Variants in EPB41 observed in about 807,000 individuals in gnomAD.
The protein encoded by EPB41 is erythrocyte membrane protein band 4.1, also known as protein 4.1.
In EPB41, 65 loss-of-function variants were observed where a neutral mutation model predicts 108.0. The ratio of observed to expected loss-of-function variants is 0.60; its 90% CI spans 0.49 to 0.74. The LOEUF (loss-of-function observed/expected upper bound fraction) is 0.74. Ranked by LOEUF, EPB41 falls within the 30% of genes least tolerant of loss-of-function variation. The pLI, the probability that EPB41 is intolerant of heterozygous loss-of-function variation, is 0.00. For synonymous variants in EPB41, 336 were observed against 358.9 expected (o/e 0.94, Z 0.72); for missense variants, 875 against 1,037.0 (o/e 0.84, Z 2.15).
intron 1 of EPB41, among the ~76,000 whole-genome samples, chr1:28,894,604 C>T (rs1406662377): frequency 6.6e-6 from 1 of 152,050 alleles, no homozygotes; most frequent in Non-Finnish European, 1.5e-5. Flanking sequence ...AAGAGAGAGG[C>T]AGCTGGGAAG....
At chr1:28,955,591 C>T (rs2094917984) in intron 1 of EPB41, among the ~76,000 whole-genome samples, 1 of 152,162 alleles carries the variant, frequency 6.6e-6, no homozygotes, top group Non-Finnish European at 1.5e-5. Flanking sequence ...GATCCGCTCA[C>T]CTTGGCCTCC....
chr1:28,897,615 GA>G (rs1263786211), intron 1 of EPB41, among the ~76,000 whole-genome samples: 1 of 19,228 alleles, frequency 5.2e-5, no homozygotes, highest in Non-Finnish European at 9.1e-5. Flanking sequence ...GAGGGGAGGG[GA>G]GAGGAGGGGA....
chr1:29,079,421 T>C lies in EPB41; in HGVS notation c.2184+14263T>C, dbSNP rs570461984. ...TCCCTCTTTCTAATTATTACCTTTTTTTTTTTTTCTTTTTTTGAGGTGGAG... is the reference window on the plus strand; with the variant it reads ...TCCCTCTTTCTAATTATTACCTTTTCTTTTTTTTCTTTTTTTGAGGTGGAG... On this transcript the variant is annotated intron_variant, in intron 16 of 20. Transcript: ENST00000343067. Among the ~76,000 whole-genome samples the C allele has an allele frequency of 3.9e-3, 596 of 151,936 alleles. 2 individuals carry two copies. The highest frequency in any genetic ancestry group is 0.014 in the African/African-American group (576 of 41,470).
At chr1:28,891,037 A>G (rs1289321031) in intron 1 of EPB41, 12 of 969,070 alleles carry the variant, frequency 1.2e-5, no homozygotes, top group Non-Finnish European at 1.5e-5. Flanking sequence ...GGGCAGAGGG[A>G]GCAACCTCCA....
rs780271863 is a variant in EPB41, at chr1:29,115,740, A to G, written c.2538A>G (p.Pro846=). ...QAIKEAKEQH[P]DMSVTKVVVH... is the part of the protein sequence containing the mutation. Reference sequence around the variant, plus strand: ...TCAAGGAGGCAAAGGAGCAGCACCCAGACATGTCAGTGACCAAGGTGGTCG... The same window carrying G: ...TCAAGGAGGCAAAGGAGCAGCACCCGGACATGTCAGTGACCAAGGTGGTCG... The change falls in exon 20 of 21, where the codon CCA becomes CCG. Residue 846 remains proline (P), a synonymous_variant. Coordinates refer to ENST00000343067, the MANE Select transcript of EPB41 (RefSeq NM_001376013.1). The surrounding 1 kb of genome is among the most constrained non-coding windows in gnomAD (Gnocchi z 4.4). The G allele has an allele frequency of 6.2e-7, 1 of 1,614,068 alleles. No homozygotes were observed. The highest frequency in any genetic ancestry group is 1.1e-5 in the South Asian group (1 of 91,084).
chr1:29,053,456 C>T (rs530452881), intron 12 of EPB41, 144 bp downstream of exon 12: 1 of 892,170 alleles, frequency 1.1e-6, no homozygotes, highest in Non-Finnish European at 1.8e-6. Flanking sequence ...GAAGATGTCT[C>T]CCATGAACCT....
intron 16 of EPB41, among the ~76,000 whole-genome samples, chr1:29,067,003 A>G (rs965223345): frequency 5.9e-5 from 9 of 151,346 alleles, no homozygotes; most frequent in African/African-American, 2.2e-4. Flanking sequence ...AATTTTCAGA[A>G]TTTATGGTAA....
In EPB41 at chr1:28,928,319, A is replaced by G. The variant is rs537018576; in HGVS notation, c.-8+13551A>G. 1.3e-4 allele frequency among the ~76,000 whole-genome samples: 19 copies of G among 150,028 alleles called. No homozygotes were observed. The South Asian group carries it at 2.3e-3, about 18-fold the overall frequency. On this transcript the variant is annotated intron_variant, in intron 1 of 20. Transcript: ENST00000343067. Reference sequence around the variant, plus strand: ...AATACAGAGGAGAAGGTCCAGAGGGAAAAAAAAAATTCTTTATCTTACCAG... The same window carrying G: ...AATACAGAGGAGAAGGTCCAGAGGGGAAAAAAAAATTCTTTATCTTACCAG...
chr1:28,893,269 C>G (rs2090322222), intron 1 of EPB41: 1 of 152,132 alleles, frequency 6.6e-6, no homozygotes, highest in South Asian at 2.1e-4. Context: ...TGGGGTTTCC[C>G]CATGTTGCCT....
intron 1 of EPB41, among the ~76,000 whole-genome samples, chr1:28,978,618 G>C (rs72874923): frequency 0.1 from 15,673 of 151,314 alleles, 1,421 homozygotes; most frequent in African/African-American, 0.2. Flanking sequence ...TGTCTGTGAG[G>C]ATGTTTCCAG....
intron 16 of EPB41, among the ~76,000 whole-genome samples, chr1:29,088,325 G>T (rs1660001712): frequency 6.6e-6 from 1 of 152,118 alleles, no homozygotes; most frequent in African/African-American, 2.4e-5. Flanking sequence ...AGGATTACAG[G>T]TGTGAGCCCC....
intron 1 of EPB41, among the ~76,000 whole-genome samples, chr1:28,927,122 G>A (rs1285923794): frequency 6.6e-6 from 1 of 152,192 alleles, no homozygotes; most frequent in Admixed American, 6.5e-5. Flanking sequence ...TTGGGAGGGT[G>A]TTTTTGAAAG....
intron 16 of EPB41, among the ~76,000 whole-genome samples, chr1:29,074,973 A>G (rs570462352): frequency 1.6e-3 from 240 of 152,138 alleles, no homozygotes; most frequent in African/African-American, 5.6e-3. Flanking sequence ...CCTGGCTAAC[A>G]TGGTGAAACT....
chr1:29,079,775 A>G (rs1573655698), intron 16 of EPB41, among the ~76,000 whole-genome samples: 1 of 152,046 alleles, frequency 6.6e-6, no homozygotes, highest in African/African-American at 2.4e-5. Flanking sequence ...TGGGAGGATC[A>G]CCTGAGGTCA....
At chr1:28,935,469 C>CACACACACACACACACACACACACACA (rs1234434094) in intron 1 of EPB41, among the ~76,000 whole-genome samples, 532 of 42,192 alleles carry the variant, frequency 0.013, 12 homozygotes, top group Middle Eastern at 0.018. Context: ...ACACACACAC[C>CACACACACACACACACACACACACACA]CCCCCCCCCC....
chr1:29,012,688 C>A (rs2096524085), intron 5 of EPB41, among the ~76,000 whole-genome samples: 1 of 152,192 alleles, frequency 6.6e-6, no homozygotes, highest in African/African-American at 2.4e-5. Context: ...TTAACACTCA[C>A]CTGAAAACAA....
chr1:28,901,827 C>T (rs891657616), intron 1 of EPB41, among the ~76,000 whole-genome samples: 6 of 152,198 alleles, frequency 3.9e-5, no homozygotes, highest in Non-Finnish European at 7.3e-5. Context: ...AGCCACCGCA[C>T]CCGGCCTCCT....
intron 1 of EPB41, among the ~76,000 whole-genome samples, chr1:28,901,027 TCATGC>T (rs2091237038): frequency 6.6e-6 from 1 of 151,938 alleles, no homozygotes; most frequent in African/African-American, 2.4e-5. Flanking sequence ...CCTCCCGGGT[TCATGC>T]CATTCTCCTG....
At chr1:28,982,622 C>G in intron 1 of EPB41, 2 of 1,169,130 alleles carry the variant, frequency 1.7e-6, no homozygotes, top group Non-Finnish European at 2.6e-6. Flanking sequence ...TCGGCAGCAA[C>G]CACTCGGGCC....
Sources: gnomAD v4.1 joint callset for allele counts (sites outside exome capture counted in the v4.1 genomes callset) on GRCh38, gnomAD v4.1.1 for gene constraint, Gnocchi (gnomAD v3.1) non-coding constraint, MANE v1.5 for transcripts, NCBI Gene and HGNC (gene_info 2026-07-23, HGNC 2026-07-21) for gene names.